The following SLC26A11 variants were observed in gnomAD, a reference collection of about 807,000 sequenced individuals.
SLC26A11 encodes the protein sodium-independent sulfate anion transporter.
In SLC26A11, 58 loss-of-function variants were observed where a neutral mutation model predicts 62.2. The ratio of observed to expected loss-of-function variants is 0.93; its 90% CI spans 0.76 to 1.16. SLC26A11 has a LOEUF of 1.16. Among genes scored for constraint, SLC26A11 ranks in the 50% most tolerant of loss-of-function variants. The pLI is 0.00. For synonymous variants in SLC26A11, 411 were observed against 368.9 expected (o/e 1.11, Z -1.31); for missense variants, 790 against 794.3 (o/e 0.99, Z 0.06).
At chr17:80,224,244 A>G (rs1286905130) in intron 5 of SLC26A11, among the ~76,000 whole-genome samples, 1 of 141,070 alleles carries the variant, frequency 7.1e-6, no homozygotes, top group Non-Finnish European at 1.6e-5. Context: ...AGTGGGTTTG[A>G]GGGAGTGTGT....
chr17:80,251,568 G>A (rs746289724), intron 17 of SLC26A11, among the ~76,000 whole-genome samples, 167 bp downstream of exon 17: 1 of 152,176 alleles, frequency 6.6e-6, no homozygotes, highest in Non-Finnish European at 1.5e-5. Flanking sequence ...TTCGAGACCA[G>A]CCTGGCCAAC....
At chr17:80,245,041 TC>T (rs2144963881) in intron 10 of SLC26A11, among the ~76,000 whole-genome samples, 154 bp from the exon 11 acceptor site, 1 of 150,712 alleles carries the variant, frequency 6.6e-6, no homozygotes, top group African/African-American at 2.4e-5. Flanking sequence ...TTTTCTTCCT[TC>T]CCTGAAGGAG....
chr17:80,222,923 G>A lies in SLC26A11; in HGVS notation c.427+76G>A, dbSNP rs1247291342. 41 of 1,409,410 alleles carry A rather than the reference G, an allele frequency of 2.9e-5. No homozygotes were observed. Among genetic ancestry groups the A allele is most frequent in the Non-Finnish European group, 3.5e-5 (37 of 1,044,100 alleles). The allele number at this position is 1,409,410 out of a possible 1,614,324, so 87.3% of individuals were successfully genotyped here. On this transcript the variant is annotated intron_variant, in intron 4 of 17. Coordinates refer to ENST00000361193, the MANE Select transcript of SLC26A11 (RefSeq NM_001166347.2). The surrounding 1 kb of genome is among the most constrained non-coding windows in gnomAD (Gnocchi z 4.7). ...TTGTTTGCATTTCAAGTCTATCCCCGTGTGCGTGTGTGTGCGTGTTGGGGT... is the reference window on the plus strand; with the variant it reads ...TTGTTTGCATTTCAAGTCTATCCCCATGTGCGTGTGTGTGCGTGTTGGGGT...
chr17:80,248,565 C>G lies in SLC26A11; in HGVS notation c.1423-10C>G. 2 of 1,567,646 alleles carry G rather than the reference C, an allele frequency of 1.3e-6. No homozygotes were observed. The highest frequency in any genetic ancestry group is 1.7e-6 in the Non-Finnish European group (2 of 1,156,334). On this transcript the variant is annotated splice_polypyrimidine_tract_variant and intron_variant, in intron 14 of 17. Coordinates refer to ENST00000361193, the MANE Select transcript of SLC26A11 (RefSeq NM_001166347.2). The stretch of plus-strand genomic sequence containing the variant: ...TCAGACCCGCCTCCAGGACTCACTC[C>G]TCCCCACAGGTGTCAGAGGGGCCGG...
At chr17:80,237,374 CCT>C (rs1360225430) in intron 8 of SLC26A11, 146 bp from the exon 9 acceptor site, 5 of 813,396 alleles carry the variant, frequency 6.1e-6, no homozygotes, top group Non-Finnish European at 9.6e-6. Flanking sequence ...GCACCTGGCG[CCT>C]CTTCAGACAA....
intron 9 of SLC26A11, among the ~76,000 whole-genome samples, chr17:80,239,907 TAA>T (rs2042811842): frequency 6.6e-6 from 1 of 152,258 alleles, no homozygotes; most frequent in Admixed American, 6.5e-5. Flanking sequence ...TGTTTACAAA[TAA>T]AGTCAGTTGG....
In SLC26A11 at chr17:80,251,397, A is replaced by G. The variant is rs1414217120; in HGVS notation, c.1725A>G (p.Glu575=). The change falls in exon 17 of 18, where the codon GAA becomes GAG. Residue 575 remains glutamate (E), a synonymous_variant. Transcript: ENST00000361193. ...KGFQYFSTLE[E]AEKHLRQEPG... ...TCCAGTACTTCTCTACCCTGGAAGA[A>G]GCAGGTGGGCACAGTCAGACATCCT... 6.2e-7 allele frequency: 1 copy of G among 1,613,962 alleles called. No homozygotes were observed. The highest frequency in any genetic ancestry group is 2.2e-5 in the East Asian group (1 of 44,892).
rs1311108583 is a variant in SLC26A11 at position 80,236,915 on chromosome 17, CCTT to C, written c.737-10_737-8del. 14 of 1,602,112 alleles carry C rather than the reference CCTT, an allele frequency of 8.7e-6. No homozygotes were observed. Among genetic ancestry groups the C allele is most frequent in the East Asian group, 2.2e-5 (1 of 44,528 alleles). On this transcript the variant is annotated splice_polypyrimidine_tract_variant and intron_variant, in intron 7 of 17. Transcript: ENST00000361193. ...GGAGCAGGGTCTCGGACGCACCTCT[CCTT>C]CTCTCCTAGCTCGCAACGCCCTGGT...
At position 80,237,361 on chromosome 17, in the gene SLC26A11, C is replaced by G. The variant is rs1432278069; in HGVS notation, c.913-161C>G. The G allele has an allele frequency of 9.0e-6, 7 of 775,860 alleles. No individual in the cohort carries two copies. In the African/African-American group the frequency reaches 1.1e-4, roughly 12 times the overall value. 48.1% of individuals were successfully genotyped at this position (775,860 alleles called of 1,614,324 possible). On this transcript the variant is annotated intron_variant, in intron 8 of 17. Transcript: ENST00000361193. The stretch of plus-strand genomic sequence containing the variant: ...TGAGGATGAATTTACCGTGTTCCTC[C>G]CAGCACCTGGCGCCTCTTCAGACAA...
intron 7 of SLC26A11, among the ~76,000 whole-genome samples, chr17:80,232,554 C>T (rs2042591471): frequency 6.6e-6 from 1 of 152,168 alleles, no homozygotes; most frequent in Non-Finnish European, 1.5e-5. Context: ...TATCTTTTTA[C>T]TTTTAACGTA....
Position 80,252,111 on chromosome 17 carries a change from C to T in SLC26A11, c.1730-514C>T, listed in dbSNP as rs982926774. 9.2e-5 allele frequency among the ~76,000 whole-genome samples: 14 copies of T among 152,070 alleles called. No homozygotes were observed. Among genetic ancestry groups the T allele is most frequent in the East Asian group, 1.9e-4 (1 of 5,182 alleles). ...GACAGCAATCGCAGGAGGTCTGAGC[C>T]GCAGCAGGTGTCAACAAGAGGATGG... On this transcript the variant is annotated intron_variant, in intron 17 of 17. Coordinates refer to ENST00000361193, the MANE Select transcript of SLC26A11 (RefSeq NM_001166347.2). The surrounding 1 kb of genome is among the most constrained non-coding windows in gnomAD (Gnocchi z 5.2).
intron 13 of SLC26A11, among the ~76,000 whole-genome samples, chr17:80,247,866 C>G (rs1474005778): frequency 6.6e-6 from 1 of 152,230 alleles, no homozygotes; most frequent in Non-Finnish European, 1.5e-5. Context: ...CAAGCCCCTG[C>G]TGCTGCCCTC....
At position 80,251,637 on chromosome 17, in the gene SLC26A11, C is replaced by T. The variant is rs1336497258; in HGVS notation, c.1729+236C>T. Among the ~76,000 whole-genome samples the T allele has an allele frequency of 2.0e-5, 3 of 152,032 alleles. No homozygotes were observed. The East Asian group carries it at 5.8e-4, about 29-fold the overall frequency. On this transcript the variant is annotated intron_variant, in intron 17 of 17. Coordinates refer to ENST00000361193, the MANE Select transcript of SLC26A11 (RefSeq NM_001166347.2). The stretch of plus-strand genomic sequence containing the variant: ...AATTAGCTGGGTGTGGTGGCATGCA[C>T]CTCTAGTCCCAGCTATTCGGGAGGC...
Position 80,222,649 on chromosome 17 carries a change from C to A in SLC26A11, c.235-6C>A. Reference sequence around the variant, plus strand: ...CCTGAGTGCTCACCACCCTCTCTCCCCACAGTATGGCCTCTACTCTGCCTT... The same window carrying A: ...CCTGAGTGCTCACCACCCTCTCTCCACACAGTATGGCCTCTACTCTGCCTT... On this transcript the variant is annotated splice_polypyrimidine_tract_variant and splice_region_variant and intron_variant, in intron 3 of 17. Transcript: ENST00000361193. This position sits in a 1 kb window ranked among gnomAD's most constrained non-coding sequence, Gnocchi z 4.7. 6.2e-7 allele frequency: 1 copy of A among 1,613,106 alleles called. No homozygotes were observed. Among genetic ancestry groups the A allele is most frequent in the Non-Finnish European group, 8.5e-7 (1 of 1,179,348 alleles).
Position 80,246,366 on chromosome 17 carries a change from C to A in SLC26A11, c.1154-143C>A. The A allele has an allele frequency of 2.8e-6, 4 of 1,418,710 alleles. No homozygotes were observed. Among genetic ancestry groups the A allele is most frequent in the Non-Finnish European group, 3.8e-6 (4 of 1,051,292 alleles). 87.9% of individuals were successfully genotyped at this position (1,418,710 alleles called of 1,614,324 possible). On this transcript the variant is annotated intron_variant, in intron 12 of 17. Transcript: ENST00000361193. This position sits in a 1 kb window ranked among gnomAD's most constrained non-coding sequence, Gnocchi z 4.4. ...ACAGGAGTAGGGGGACCACAGGAGA[C>A]TGAGCAGGGGCTGGGGGCCTTGGCA...
intron 7 of SLC26A11, among the ~76,000 whole-genome samples, chr17:80,232,099 T>G (rs2042580353): frequency 6.6e-6 from 1 of 152,210 alleles, no homozygotes; most frequent in Non-Finnish European, 1.5e-5. Context: ...TCATATATTT[T>G]GAAGCTCTGT....
chr17:80,227,762 G>C, intron 6 of SLC26A11, 56 bp from the exon 7 acceptor site: 1 of 1,576,236 alleles, frequency 6.3e-7, no homozygotes, highest in Non-Finnish European at 8.6e-7. Context: ...GGATGCTTGA[G>C]TCAGCAGTAG....
intron 15 of SLC26A11, 130 bp from the exon 16 acceptor site, chr17:80,249,024 C>T: frequency 8.4e-7 from 1 of 1,194,186 alleles, no homozygotes. Context: ...AACTGGGCGA[C>T]TCAGCCGCCA....
intron 5 of SLC26A11, among the ~76,000 whole-genome samples, chr17:80,224,407 G>A (rs1445563348): frequency 6.9e-6 from 1 of 145,076 alleles, no homozygotes; most frequent in Non-Finnish European, 1.5e-5. Flanking sequence ...GAGTGTGAGA[G>A]TGAGTGTGAG....
Sources: gnomAD v4.1 joint callset for allele counts (sites outside exome capture counted in the v4.1 genomes callset) on GRCh38, gnomAD v4.1.1 for gene constraint, Gnocchi (gnomAD v3.1) non-coding constraint, MANE v1.5 for transcripts, NCBI Gene and HGNC (gene_info 2026-07-23, HGNC 2026-07-21) for gene names.